Variants in NECAB1 observed in about 807,000 individuals in gnomAD.
The protein encoded by NECAB1 is N-terminal EF-hand calcium-binding protein 1.
In NECAB1, 29 loss-of-function variants were observed where a neutral mutation model predicts 57.5. The observed-to-expected ratio is 0.50, with a 90% CI of 0.38 to 0.69. The LOEUF is 0.69. Among genes scored for constraint, NECAB1 ranks in the 30% least tolerant of loss-of-function variants. The pLI, the probability that NECAB1 is intolerant of heterozygous loss-of-function variation, is 0.00. For missense variants in NECAB1, 372 were observed against 413.8 expected, an observed-to-expected ratio of 0.90 and a Z score of 0.88; for synonymous variants, 142 against 147.7, an observed-to-expected ratio of 0.96 and a Z score of 0.28.
At chr8:90,933,651 A>G (rs1810462773) in intron 8 of NECAB1, among the ~76,000 whole-genome samples, 1 of 152,096 alleles carries the variant, frequency 6.6e-6, no homozygotes. Flanking sequence ...TGACGGGTGC[A>G]CCAACATCTC....
rs962234725 is a variant in NECAB1, at chr8:90,791,837, G to A, written c.-50G>A. ...CTGCGGCCGCGCCCTTGCCAGAGCC[G>A]GTGCGTCCGCCTAGCCCCGCTCCGC... On this transcript the variant is annotated 5_prime_UTR_variant, in exon 1 of 13. Transcript: ENST00000417640. 2.1e-6 allele frequency: 3 copies of A among 1,461,370 alleles called. No individual in the cohort carries two copies. The highest frequency in any genetic ancestry group is 1.4e-5 in the African/African-American group (1 of 71,000). The allele number at this position is 1,461,370 out of a possible 1,614,324, so 90.5% of individuals were successfully genotyped here.
At chr8:90,934,025 A>C (rs1398880476) in intron 8 of NECAB1, among the ~76,000 whole-genome samples, 1 of 152,066 alleles carries the variant, frequency 6.6e-6, no homozygotes, top group Non-Finnish European at 1.5e-5. Context: ...GTTTTAATGT[A>C]CCTTTCTCTT....
At chr8:90,928,852 T>A (rs1176917202) in intron 8 of NECAB1, among the ~76,000 whole-genome samples, 3 of 152,148 alleles carry the variant, frequency 2.0e-5, no homozygotes, top group African/African-American at 7.2e-5. Flanking sequence ...AGAACTACAT[T>A]TTATGTTCTT....
intron 5 of NECAB1, chr8:90,903,812 C>T (rs1435037567): frequency 6.6e-6 from 1 of 152,124 alleles, no homozygotes; most frequent in Non-Finnish European, 1.5e-5. Flanking sequence ...AAAGAGGGAA[C>T]ACAAAGAAAT....
chr8:90,851,603 A>G (rs1812685213), intron 3 of NECAB1, among the ~76,000 whole-genome samples: 2 of 152,150 alleles, frequency 1.3e-5, no homozygotes, highest in Admixed American at 6.5e-5. Context: ...TTTTATTTCC[A>G]TTTTTAAATA....
At chr8:90,932,853 G>C (rs184204750) in intron 8 of NECAB1, among the ~76,000 whole-genome samples, 1 of 152,292 alleles carries the variant, frequency 6.6e-6, no homozygotes, top group Admixed American at 6.5e-5. Context: ...AGTTCTCAGA[G>C]ATGAAGCACT....
At chr8:90,864,163 A>G (rs1447758728) in intron 3 of NECAB1, among the ~76,000 whole-genome samples, 1 of 152,116 alleles carries the variant, frequency 6.6e-6, no homozygotes, top group African/African-American at 2.4e-5. Flanking sequence ...TTGGAAATGT[A>G]AAAATCTTAT....
At position 90,956,122 on chromosome 8, in the gene NECAB1, A is replaced by T. The variant is rs991136615; in HGVS notation, c.*610A>T. The stretch of plus-strand genomic sequence containing the variant: ...GTATCAGGTTATAGACTGGTTTTTC[A>T]AAAGTGAACAATCCTGTGATAAGTT... On this transcript the variant is annotated 3_prime_UTR_variant, in exon 13 of 13. Coordinates refer to ENST00000417640, the MANE Select transcript of NECAB1 (RefSeq NM_022351.5). 2.4e-4 allele frequency: 36 copies of T among 152,044 alleles called. No individual in the cohort carries two copies. Among genetic ancestry groups the T allele is most frequent in the African/African-American group, 8.7e-4 (36 of 41,436 alleles). The allele number at this position is 152,044 out of a possible 1,614,324, so 9.4% of individuals were successfully genotyped here. A position where few individuals can be genotyped will look rare whatever the true frequency, so the allele number is the denominator to read the frequency against.
chr8:90,884,526 G>C (rs1018137686), intron 5 of NECAB1, among the ~76,000 whole-genome samples: 3 of 151,940 alleles, frequency 2.0e-5, no homozygotes, highest in Admixed American at 2.0e-4. Context: ...CTTGTTTTAG[G>C]CAAAATATCC....
chr8:90,851,488 A>G (rs1298864986), intron 3 of NECAB1, among the ~76,000 whole-genome samples: 1 of 152,120 alleles, frequency 6.6e-6, no homozygotes. Context: ...ATTGTAGGAC[A>G]CTCAATTGAT....
chr8:90,916,754 C>T (rs963829192), intron 5 of NECAB1, among the ~76,000 whole-genome samples: 2 of 152,142 alleles, frequency 1.3e-5, no homozygotes, highest in East Asian at 1.9e-4. Flanking sequence ...CCATCCACAG[C>T]TCACCCATCT....
chr8:90,939,160 T>C (rs970944359), intron 9 of NECAB1, among the ~76,000 whole-genome samples: 5 of 152,246 alleles, frequency 3.3e-5, no homozygotes, highest in Non-Finnish European at 7.3e-5. Context: ...AAAGGAGCCA[T>C]GTGGCACAGA....
intron 3 of NECAB1, among the ~76,000 whole-genome samples, chr8:90,827,899 T>C (rs2129714564): frequency 6.6e-6 from 1 of 152,102 alleles, no homozygotes; most frequent in East Asian, 1.9e-4. Context: ...GTTTTATAAG[T>C]TGCTTTTAAA....
intron 3 of NECAB1, among the ~76,000 whole-genome samples, chr8:90,866,825 C>G (rs1195220256): frequency 6.6e-6 from 1 of 152,240 alleles, no homozygotes; most frequent in Non-Finnish European, 1.5e-5. Flanking sequence ...TTAGTTCAAC[C>G]ATTGTGGAAG....
intron 8 of NECAB1, among the ~76,000 whole-genome samples, chr8:90,931,262 T>C (rs1331349609): frequency 6.6e-6 from 1 of 152,192 alleles, no homozygotes; most frequent in East Asian, 1.9e-4. Flanking sequence ...ACTGTGCTGA[T>C]TAGGTTTTTA....
intron 5 of NECAB1, among the ~76,000 whole-genome samples, chr8:90,907,040 C>A (rs1299748057): frequency 6.7e-6 from 1 of 150,338 alleles, no homozygotes; most frequent in Non-Finnish European, 1.5e-5. Flanking sequence ...CACATGCCAC[C>A]ATGCCTGGCT....
chr8:90,921,236 C>T lies in NECAB1; in HGVS notation c.494+3608C>T, dbSNP rs372333875. On this transcript the variant is annotated intron_variant, in intron 6 of 12. Transcript: ENST00000417640. Reference sequence around the variant, plus strand: ...TTCACCATATTAGCCAGGCTGGACGCGAACTCCTGACCTCAGGTGATCTAC... The same window carrying T: ...TTCACCATATTAGCCAGGCTGGACGTGAACTCCTGACCTCAGGTGATCTAC... Among the ~76,000 whole-genome samples, 8 of 152,210 alleles carry T rather than the reference C, an allele frequency of 5.3e-5. No homozygotes were observed. The East Asian group carries it at 1.2e-3, about 22-fold the overall frequency.
rs1313369641 is a variant in NECAB1 at position 90,958,651 on chromosome 8, T to C, written c.*3139T>C. On this transcript the variant is annotated 3_prime_UTR_variant, in exon 13 of 13. Transcript: ENST00000417640. ...TGTACCATATATACACTGTAGCAAA[T>C]ATTTTATATTTGAGAGTCTTTACAG... 2 of 237,110 alleles carry C rather than the reference T, an allele frequency of 8.4e-6. No homozygotes were observed. The highest frequency in any genetic ancestry group is 1.6e-5 in the Non-Finnish European group (2 of 122,724). 14.7% of individuals were successfully genotyped at this position (237,110 alleles called of 1,614,324 possible).
chr8:90,946,861 G>A (rs2130259857), intron 10 of NECAB1, among the ~76,000 whole-genome samples: 1 of 152,328 alleles, frequency 6.6e-6, no homozygotes, highest in South Asian at 2.1e-4. Context: ...AGAGGAGTAA[G>A]GTTATCAGGG....
Sources: gnomAD v4.1 joint callset for allele counts (sites outside exome capture counted in the v4.1 genomes callset) on GRCh38, gnomAD v4.1.1 for gene constraint, MANE v1.5 for transcripts, NCBI Gene and HGNC (gene_info 2026-07-23, HGNC 2026-07-21) for gene names.